DLGAP1: variants seen among roughly 807,000 people sequenced by gnomAD.
DLGAP1 encodes DLG associated protein 1, also known as disks large-associated protein 1.
In DLGAP1, 11 loss-of-function variants were observed where a neutral mutation model predicts 90.8. The observed-to-expected ratio is 0.12, with a 90% CI of 0.08 to 0.20. The LOEUF (loss-of-function observed/expected upper bound fraction) is 0.20, where lower values mean the gene tolerates loss of function less well. DLGAP1 is among the 10% of genes least tolerant of loss of function. The pLI is 1.00. For synonymous variants in DLGAP1, 558 were observed against 540.7 expected (o/e 1.03, Z -0.44); for missense variants, 1,050 against 1,333.8 (o/e 0.79, Z 3.31).
At chr18:4,002,384 T>TACCTCTCCCC (rs1424656145) in intron 3 of DLGAP1, among the ~76,000 whole-genome samples, 1 of 152,278 alleles carries the variant, frequency 6.6e-6, no homozygotes. Context: ...GATTTTCTTC[T>TACCTCTCCCC]GCCTCTCCCC....
At chr18:4,163,848 T>A (rs1349944486) in intron 1 of DLGAP1, among the ~76,000 whole-genome samples, 1 of 152,212 alleles carries the variant, frequency 6.6e-6, no homozygotes, top group Non-Finnish European at 1.5e-5. Context: ...GTTTTCTTTT[T>A]CAGATATTAT....
At chr18:3,955,364 T>C (rs2073063725) in intron 3 of DLGAP1, among the ~76,000 whole-genome samples, 1 of 152,098 alleles carries the variant, frequency 6.6e-6, no homozygotes, top group East Asian at 1.9e-4. Context: ...AATACAAAAA[T>C]ATCCAGTACC....
Position 3,534,253 on chromosome 18 carries a change from A to G in DLGAP1, c.2420T>C (p.Met807Thr). 1 of 1,614,212 alleles carries G rather than the reference A, an allele frequency of 6.2e-7. No homozygotes were observed. The highest frequency in any genetic ancestry group is 8.5e-7 in the Non-Finnish European group (1 of 1,180,044). Residue 807 changes from methionine (M) to threonine (T), a missense_variant, in exon 10 of 13, where the codon ATG becomes ACG. By Grantham distance (81) the Met-to-Thr change is moderately conservative. Coordinates refer to ENST00000315677, the MANE Select transcript of DLGAP1 (RefSeq NM_004746.4). ...LKLLQAERDR[M>T]EGWCQQMERE... ...CTCCATCTGTTGACACCACCCCTCC[A>G]TGCGGTCTCGCTCTGCCTGGAGAAG...
intron 7 of DLGAP1, among the ~76,000 whole-genome samples, chr18:3,618,433 A>T (rs1252200624): frequency 6.6e-6 from 1 of 151,932 alleles, no homozygotes; most frequent in Non-Finnish European, 1.5e-5. Flanking sequence ...CTGCTCCTTT[A>T]TTTCCACTGT....
intron 4 of DLGAP1, among the ~76,000 whole-genome samples, chr18:3,820,792 T>C (rs1442028692): frequency 2.0e-5 from 3 of 151,684 alleles, no homozygotes; most frequent in African/African-American, 7.3e-5. Flanking sequence ...TTGTATAGAA[T>C]AGGCATTACT....
At position 4,406,438 on chromosome 18, in the gene DLGAP1, C is replaced by A. The variant is rs1292902200; in HGVS notation, c.-267+48568G>T. Among the ~76,000 whole-genome samples the A allele has an allele frequency of 2.0e-5, 3 of 152,162 alleles. 1 individual carries two copies. The highest frequency in any genetic ancestry group is 4.4e-5 in the Non-Finnish European group (3 of 68,034). ...TGCCTCAAGAGAATTTAACATAAAG[C>A]CTTGCAGAGTTGTAAGGGTGTTTTT... On this transcript the variant is annotated intron_variant, in intron 1 of 12. Coordinates refer to ENST00000315677, the MANE Select transcript of DLGAP1 (RefSeq NM_004746.4).
chr18:4,423,076 C>T (rs1198650686), intron 1 of DLGAP1, among the ~76,000 whole-genome samples: 1 of 152,208 alleles, frequency 6.6e-6, no homozygotes, highest in East Asian at 1.9e-4. Flanking sequence ...TTATATACTA[C>T]TACTAGAAAG....
intron 10 of DLGAP1, among the ~76,000 whole-genome samples, chr18:3,528,717 T>C (rs745431705): frequency 2.3e-4 from 35 of 152,224 alleles, no homozygotes; most frequent in Non-Finnish European, 4.4e-4. Flanking sequence ...GGGTTGCTAC[T>C]GCTTTATGGT....
intron 5 of DLGAP1, among the ~76,000 whole-genome samples, chr18:3,757,300 T>C (rs868225642): frequency 2.0e-5 from 3 of 152,120 alleles, no homozygotes; most frequent in Non-Finnish European, 4.4e-5. Context: ...CCCAGCTACT[T>C]AGGAGGCTTG....
At chr18:4,214,697 A>G (rs1409545161) in intron 1 of DLGAP1, among the ~76,000 whole-genome samples, 1 of 152,196 alleles carries the variant, frequency 6.6e-6, no homozygotes, top group Non-Finnish European at 1.5e-5. Context: ...AATCTTTTAA[A>G]TGTTGACCAC....
intron 5 of DLGAP1, among the ~76,000 whole-genome samples, chr18:3,743,457 C>A (rs1331227907): frequency 6.6e-6 from 1 of 151,694 alleles, no homozygotes; most frequent in African/African-American, 2.4e-5. Context: ...CGGGTTCATG[C>A]CATTCTCCTG....
chr18:4,390,565 T>C (rs775002016), intron 1 of DLGAP1, among the ~76,000 whole-genome samples: 4 of 152,202 alleles, frequency 2.6e-5, no homozygotes, highest in Admixed American at 1.3e-4. Flanking sequence ...ACAAATCCTT[T>C]TACTATCTCC....
chr18:3,721,448 A>C (rs547848320), intron 7 of DLGAP1: 38 of 152,336 alleles, frequency 2.5e-4, no homozygotes, highest in Non-Finnish European at 4.0e-4. Context: ...GTGTAACAGG[A>C]AATTTTAAAC....
intron 5 of DLGAP1, among the ~76,000 whole-genome samples, chr18:3,801,258 G>A (rs1598803972): frequency 6.6e-6 from 1 of 152,086 alleles, no homozygotes. Context: ...GGATTTGGAG[G>A]GGACAAACAC....
At chr18:4,064,019 C>A (rs964412422) in intron 2 of DLGAP1, among the ~76,000 whole-genome samples, 1 of 152,070 alleles carries the variant, frequency 6.6e-6, no homozygotes, top group African/African-American at 2.4e-5. Context: ...GTAGTTTCAC[C>A]CACCTGGCAT....
chr18:4,034,837 T>C (rs1261731292), intron 2 of DLGAP1, among the ~76,000 whole-genome samples: 1 of 152,130 alleles, frequency 6.6e-6, no homozygotes, highest in Admixed American at 6.6e-5. Flanking sequence ...TCAGTCATAG[T>C]AAACTTTCAA....
intron 3 of DLGAP1, among the ~76,000 whole-genome samples, chr18:3,930,193 TGTG>T (rs2072484895): frequency 6.6e-6 from 1 of 152,242 alleles, no homozygotes; most frequent in Admixed American, 6.5e-5. Context: ...GAAGTTCTTT[TGTG>T]AACTGTCTGC....
Position 3,727,731 on chromosome 18 carries a change from A to T in DLGAP1, c.1591+1404T>A, listed in dbSNP as rs1416550477. 5.3e-5 allele frequency: 8 copies of T among 152,224 alleles called. No homozygotes were observed. Among genetic ancestry groups the T allele is most frequent in the East Asian group, 1.9e-4 (1 of 5,188 alleles). 9.4% of individuals were successfully genotyped at this position (152,224 alleles called of 1,614,324 possible). A position where few individuals can be genotyped will look rare whatever the true frequency, so the allele number is the denominator to read the frequency against. On this transcript the variant is annotated intron_variant, in intron 7 of 12. Transcript: ENST00000315677. The surrounding 1 kb of genome is among the most constrained non-coding windows in gnomAD (Gnocchi z 4.7). The stretch of plus-strand genomic sequence containing the variant: ...TGGTTGATTTTTCAAAAATATATAT[A>T]TTTTTCTCTTCATAAATAACTCTCA...
intron 1 of DLGAP1, among the ~76,000 whole-genome samples, chr18:4,310,626 C>T (rs1034993043): frequency 6.6e-6 from 1 of 152,192 alleles, no homozygotes; most frequent in Non-Finnish European, 1.5e-5. Context: ...TGACTCCAGG[C>T]TGCGAGTTCT....
Sources: allele counts gnomAD v4.1 joint callset (sites outside exome capture counted in the v4.1 genomes callset), GRCh38; gene constraint gnomAD v4.1.1; non-coding constraint Gnocchi (gnomAD v3.1); transcripts MANE v1.5; gene names NCBI Gene and HGNC (gene_info 2026-07-23, HGNC 2026-07-21).